Variants in PALS2 observed in about 807,000 individuals in gnomAD.
PALS2 encodes the protein protein associated with LIN7 2, MAGUK p55 family member.
A neutral mutation model predicts 61.6 loss-of-function variants in PALS2; 27 were observed. The observed-to-expected ratio is 0.44, with a 90% CI of 0.32 to 0.60. The LOEUF (loss-of-function observed/expected upper bound fraction) is 0.60. Among genes scored for constraint, PALS2 ranks in the 20% least tolerant of loss-of-function variants. The pLI, the probability that PALS2 is intolerant of heterozygous loss-of-function variation, is 0.05. For missense variants in PALS2, 554 were observed against 639.4 expected (o/e 0.87, Z 1.44); for synonymous variants, 236 against 218.6 (o/e 1.08, Z -0.70).
chr7:24,663,481 C>G (rs1416749379), intron 5 of PALS2, 109 bp from the exon 6 acceptor site: 1 of 1,068,388 alleles, frequency 9.4e-7, no homozygotes, highest in Non-Finnish European at 1.3e-6. Context: ...ATCTGAAGTA[C>G]TAAATACATT....
At chr7:24,639,637 A>C (rs1473180918) in intron 2 of PALS2, among the ~76,000 whole-genome samples, 5 of 151,342 alleles carry the variant, frequency 3.3e-5, no homozygotes, top group Non-Finnish European at 4.4e-5. Flanking sequence ...ATTCTAGCTT[A>C]TTTCATAAGA....
chr7:24,652,768 C>T (rs902429265), intron 5 of PALS2, among the ~76,000 whole-genome samples: 1 of 152,150 alleles, frequency 6.6e-6, no homozygotes, highest in Non-Finnish European at 1.5e-5. Context: ...CTAGTCTCAG[C>T]TCTGGATTGC....
rs893763420 is a variant in PALS2 at position 24,693,718 on chromosome 7, C to T, written c.*6104C>T. On this transcript the variant is annotated 3_prime_UTR_variant, in exon 12 of 12. Coordinates refer to ENST00000222644, the MANE Select transcript of PALS2 (RefSeq NM_001303037.2). ...TTTAAAAAGAACTGCTGACTGGCTC[C>T]TGTCTCTTCAGTAACACTGATTTTT... The T allele has an allele frequency of 2.0e-5, 3 of 152,108 alleles. No individual in the cohort carries two copies. Among genetic ancestry groups the T allele is most frequent in the Non-Finnish European group, 4.4e-5 (3 of 68,004 alleles). The allele number at this position is 152,108 out of a possible 1,614,324, so 9.4% of individuals were successfully genotyped here. A position where few individuals can be genotyped will look rare whatever the true frequency, so the allele number is the denominator to read the frequency against.
chr7:24,661,685 T>C (rs1231004429), intron 5 of PALS2, among the ~76,000 whole-genome samples: 1 of 152,210 alleles, frequency 6.6e-6, no homozygotes, highest in Non-Finnish European at 1.5e-5. Context: ...ATTTATAACT[T>C]GCAGGTATTA....
chr7:24,575,374 G>C (rs1248206718), intron 1 of PALS2, among the ~76,000 whole-genome samples: 2 of 151,994 alleles, frequency 1.3e-5, no homozygotes. Flanking sequence ...CCAACTGTTG[G>C]ATTTTTAAAA....
chr7:24,683,628 CA>C (rs1788047480), intron 11 of PALS2, among the ~76,000 whole-genome samples: 1 of 151,834 alleles, frequency 6.6e-6, no homozygotes, highest in Non-Finnish European at 1.5e-5. Context: ...GGCCAGGAAT[CA>C]GCCATTTTTC....
At position 24,587,170 on chromosome 7, in the gene PALS2, G is replaced by A. The variant is rs182867615; in HGVS notation, c.-3+13577G>A. ...AAGTTCTTTAGAGACTACCTACTTCGCTATTAATTTGTCATTTATCCCTGC... is the reference window on the plus strand; with the variant it reads ...AAGTTCTTTAGAGACTACCTACTTCACTATTAATTTGTCATTTATCCCTGC... On this transcript the variant is annotated intron_variant, in intron 1 of 11. Coordinates refer to ENST00000222644, the MANE Select transcript of PALS2 (RefSeq NM_001303037.2). Among the ~76,000 whole-genome samples the A allele has an allele frequency of 5.7e-4, 86 of 151,856 alleles. No individual in the cohort carries two copies. The East Asian group carries it at 0.016, about 28-fold the overall frequency.
At chr7:24,653,668 T>A (rs1786274813) in intron 5 of PALS2, among the ~76,000 whole-genome samples, 2 of 152,208 alleles carry the variant, frequency 1.3e-5, no homozygotes, top group Admixed American at 1.3e-4. Flanking sequence ...AAACATTATC[T>A]GTTAAAACAG....
At chr7:24,631,174 A>G (rs1784983098) in intron 2 of PALS2, among the ~76,000 whole-genome samples, 1 of 152,212 alleles carries the variant, frequency 6.6e-6, no homozygotes, top group South Asian at 2.1e-4. Flanking sequence ...TTTGTGATGC[A>G]TGGGAGAAGG....
chr7:24,619,518 C>T (rs1326173032), intron 1 of PALS2, among the ~76,000 whole-genome samples: 4 of 151,970 alleles, frequency 2.6e-5, no homozygotes, highest in Non-Finnish European at 2.9e-5. Context: ...GGGATGGAGA[C>T]CATCCTGGCT....
intron 2 of PALS2, among the ~76,000 whole-genome samples, chr7:24,632,937 C>T (rs1227744459): frequency 1.3e-5 from 2 of 152,064 alleles, no homozygotes; most frequent in Admixed American, 6.6e-5. Flanking sequence ...CTTGATTTTG[C>T]AGTATACGTT....
At chr7:24,585,801 C>G (rs1001336655) in intron 1 of PALS2, among the ~76,000 whole-genome samples, 2 of 152,150 alleles carry the variant, frequency 1.3e-5, no homozygotes, top group South Asian at 2.1e-4. Flanking sequence ...TGGGTTCATG[C>G]CATTCTCCTG....
rs540889708 is a variant in PALS2 at position 24,640,776 on chromosome 7, A to G, written c.118-940A>G. Among the ~76,000 whole-genome samples the G allele has an allele frequency of 1.5e-3, 223 of 152,200 alleles. 1 individual carries two copies. The East Asian group carries it at 0.033, about 22-fold the overall frequency. On this transcript the variant is annotated intron_variant, in intron 2 of 11. Coordinates refer to ENST00000222644, the MANE Select transcript of PALS2 (RefSeq NM_001303037.2). ...GTAATCCCAGCACTTTGGGAGGCCG[A>G]GGCGGGTGGATCACGAGGTCAGGAG...
intron 1 of PALS2, among the ~76,000 whole-genome samples, chr7:24,577,025 T>C (rs2128037719): frequency 6.6e-6 from 1 of 152,302 alleles, no homozygotes; most frequent in East Asian, 1.9e-4. Flanking sequence ...AATTCAATAA[T>C]AATGAACTCA....
chr7:24,587,821 T>C (rs1182194852), intron 1 of PALS2, among the ~76,000 whole-genome samples: 1 of 152,196 alleles, frequency 6.6e-6, no homozygotes. Context: ...ATGACCATAC[T>C]GTCTCTAGAA....
chr7:24,617,045 T>G (rs1269224561), intron 1 of PALS2, among the ~76,000 whole-genome samples: 1 of 152,200 alleles, frequency 6.6e-6, no homozygotes, highest in Non-Finnish European at 1.5e-5. Context: ...TCTCATAATG[T>G]GAATATTTGT....
At chr7:24,662,585 A>G (rs1046707999) in intron 5 of PALS2, among the ~76,000 whole-genome samples, 1 of 152,130 alleles carries the variant, frequency 6.6e-6, no homozygotes, top group African/African-American at 2.4e-5. Flanking sequence ...CCTGGCCAAC[A>G]TGGTGAAACC....
intron 1 of PALS2, among the ~76,000 whole-genome samples, chr7:24,576,175 TTATAAA>T (rs1173237076): frequency 6.6e-6 from 1 of 152,220 alleles, no homozygotes; most frequent in Non-Finnish European, 1.5e-5. Flanking sequence ...GTCTTCACAT[TTATAAA>T]TATAAGAGCA....
At chr7:24,677,606 C>T (rs934387024) in intron 9 of PALS2, among the ~76,000 whole-genome samples, 1 of 151,960 alleles carries the variant, frequency 6.6e-6, no homozygotes, top group African/African-American at 2.4e-5. Flanking sequence ...TGTCAAAGGC[C>T]TTTTCTGCAT....
Sources: gnomAD v4.1 joint callset for allele counts (sites outside exome capture counted in the v4.1 genomes callset) on GRCh38, gnomAD v4.1.1 for gene constraint, MANE v1.5 for transcripts, NCBI Gene and HGNC (gene_info 2026-07-23, HGNC 2026-07-21) for gene names.